Variants in CCT5 observed in about 807,000 individuals in gnomAD.
The protein encoded by CCT5 is chaperonin containing TCP1 subunit 5.
CCT5 carries 6 observed loss-of-function variants against 55.0 expected under a neutral mutation model. That is an observed-to-expected ratio of 0.11 (90% CI 0.06 to 0.22). CCT5 has a LOEUF of 0.22. Among genes scored for constraint, CCT5 ranks in the 10% least tolerant of loss-of-function variants. The pLI, the probability that CCT5 is intolerant of heterozygous loss-of-function variation, is 1.00. For missense variants in CCT5, 560 were observed against 694.6 expected (o/e 0.81, Z 2.18); for synonymous variants, 231 against 243.7 (o/e 0.95, Z 0.49).
chr5:10,260,654 C>G, intron 6 of CCT5, 138 bp from the exon 7 acceptor site: 4 of 864,412 alleles, frequency 4.6e-6, no homozygotes, highest in Non-Finnish European at 5.8e-6. Flanking sequence ...TTGTCTATTT[C>G]CTTCCTTCTC....
chr5:10,250,955 A>G lies in CCT5; in HGVS notation c.105+510A>G, dbSNP rs1745367670. 7.4e-6 allele frequency: 6 copies of G among 812,498 alleles called. No homozygotes were observed. The South Asian group carries it at 2.5e-4, about 34-fold the overall frequency. The allele number at this position is 812,498 out of a possible 1,614,324, so 50.3% of individuals were successfully genotyped here. ...CTTTTTTGCCCACCCTTGAGGAAAA[A>G]TAGCGAAGAGTGAAAAACGGACGCA... On this transcript the variant is annotated intron_variant, in intron 1 of 10. Transcript: ENST00000280326.
upstream of CCT5, chr5:10,250,279 T>G (rs745378487): frequency 1.2e-6 from 2 of 1,611,002 alleles, no homozygotes; most frequent in African/African-American, 1.3e-5. Context: ...GAAAGGGAAG[T>G]GCATTCTCGC....
upstream of CCT5, chr5:10,249,959 T>A: frequency 7.2e-7 from 1 of 1,388,020 alleles, no homozygotes; most frequent in Non-Finnish European, 9.7e-7. Context: ...TACCATCTTC[T>A]CGGAGCCGGA....
At chr5:10,261,148 C>A in intron 7 of CCT5, 1 of 556,472 alleles carries the variant, frequency 1.8e-6, no homozygotes, top group Non-Finnish European at 3.3e-6. Flanking sequence ...CTCACTTGGC[C>A]CTGTCGTTGA....
At chr5:10,261,808 C>T in intron 8 of CCT5, 63 bp downstream of exon 8, 2 of 1,333,258 alleles carry the variant, frequency 1.5e-6, no homozygotes, top group African/African-American at 1.4e-5. Context: ...GGCTTTTTTG[C>T]CTGTGTGTAT....
At chr5:10,254,582 C>A in intron 2 of CCT5, 92 bp from the exon 3 acceptor site, 1 of 1,082,818 alleles carries the variant, frequency 9.2e-7, no homozygotes, top group Non-Finnish European at 1.4e-6. Context: ...ATAAATTGCA[C>A]AGATAAGAGC....
rs755661384 is a variant in CCT5 at position 10,265,203 on chromosome 5, T to C, written c.*420T>C. On this transcript the variant is annotated 3_prime_UTR_variant, in exon 11 of 11. Transcript: ENST00000280326. Reference sequence around the variant, plus strand: ...ATATGGGCTTGATCCTCTTCCTATCTAAATGGGTGGGCCATTTGATTGTAG... The same window carrying C: ...ATATGGGCTTGATCCTCTTCCTATCCAAATGGGTGGGCCATTTGATTGTAG... 1.1e-4 allele frequency: 23 copies of C among 201,220 alleles called. No individual in the cohort carries two copies. Among genetic ancestry groups the C allele is most frequent in the Non-Finnish European group, 3.1e-5 (3 of 98,216 alleles). 12.5% of individuals were successfully genotyped at this position (201,220 alleles called of 1,614,324 possible). A position where few individuals can be genotyped will look rare whatever the true frequency, so the allele number is the denominator to read the frequency against.
At position 10,262,484 on chromosome 5, in the gene CCT5, A is replaced by G. The variant is rs781378409; in HGVS notation, c.1183A>G (p.Ile395Val). The G allele has an allele frequency of 1.9e-6, 3 of 1,614,074 alleles. No individual in the cohort carries two copies. The highest frequency in any genetic ancestry group is 1.1e-5 in the South Asian group (1 of 91,086). Reference sequence around the variant, plus strand: ...CAGGCAAAGCTGTTTTCCTTAGATCATTGAGGAGGCGAAACGATCCCTTCA... The same window carrying G: ...CAGGCAAAGCTGTTTTCCTTAGATCGTTGAGGAGGCGAAACGATCCCTTCA... Reference protein sequence around the residue: ...IFIRGGNKMIIEEAKRSLHDA... With the variant: ...IFIRGGNKMIVEEAKRSLHDA... The change falls in exon 9 of 11, where the codon ATT becomes GTT. Residue 395 changes from isoleucine to valine, a missense_variant. Physicochemically the swap from Ile to Val is conservative, Grantham distance 29. Coordinates refer to ENST00000280326, the MANE Select transcript of CCT5 (RefSeq NM_012073.5).
At chr5:10,257,987 T>C in intron 4 of CCT5, 124 bp from the exon 5 acceptor site, 1 of 1,000,500 alleles carries the variant, frequency 1.0e-6, no homozygotes, top group Non-Finnish European at 1.5e-6. Flanking sequence ...TGAGATGGCA[T>C]TCCCCTCTAG....
intron 10 of CCT5, among the ~76,000 whole-genome samples, chr5:10,263,769 G>A (rs2244968): frequency 0.74 from 112,265 of 151,958 alleles, 43,657 homozygotes; most frequent in East Asian, 0.87. Context: ...AAAAGATATG[G>A]TGGCTGTAGC....
At chr5:10,262,664 T>C (rs1309846858) in intron 9 of CCT5, 46 bp downstream of exon 9, 9 of 1,604,556 alleles carry the variant, frequency 5.6e-6, no homozygotes, top group African/African-American at 1.3e-5. Context: ...GCCTCGCTGA[T>C]GGTGGAGACT....
chr5:10,257,689 C>T (rs1186387980), intron 4 of CCT5, among the ~76,000 whole-genome samples: 1 of 152,224 alleles, frequency 6.6e-6, no homozygotes, highest in Non-Finnish European at 1.5e-5. Context: ...TAGTGCTACA[C>T]TTCATTGAGA....
At chr5:10,256,197 C>T (rs369594695) in intron 4 of CCT5, 44 bp downstream of exon 4, 11 of 1,536,652 alleles carry the variant, frequency 7.2e-6, no homozygotes, top group African/African-American at 1.4e-5. Flanking sequence ...GTAGAGGAGG[C>T]AGTTTGTTTG....
chr5:10,260,472 A>G (rs554429691), intron 6 of CCT5, among the ~76,000 whole-genome samples: 9 of 152,284 alleles, frequency 5.9e-5, no homozygotes, highest in Middle Eastern at 3.4e-3. Context: ...CCATTTCCCC[A>G]TGGTTGGGGA....
intron 6 of CCT5, among the ~76,000 whole-genome samples, chr5:10,259,652 T>G (rs898208378): frequency 1.3e-5 from 2 of 152,232 alleles, no homozygotes; most frequent in Admixed American, 6.5e-5. Flanking sequence ...GGGATGCTCC[T>G]GAGCCAGGAA....
intron 6 of CCT5, 80 bp from the exon 7 acceptor site, chr5:10,260,712 G>A (rs1477639706): frequency 1.3e-6 from 2 of 1,504,220 alleles, no homozygotes; most frequent in African/African-American, 2.8e-5. Context: ...ACCCAACTGT[G>A]CCTCTCCTTT....
At chr5:10,252,418 C>T (rs1745468478) in intron 1 of CCT5, among the ~76,000 whole-genome samples, 1 of 152,190 alleles carries the variant, frequency 6.6e-6, no homozygotes, top group Non-Finnish European at 1.5e-5. Context: ...AGATTCTTCA[C>T]TTGTTTAACA....
rs1283201435 is a variant in CCT5, at chr5:10,254,269, C to T, written c.166+64C>T. 2.6e-6 allele frequency: 3 copies of T among 1,157,012 alleles called. No individual in the cohort carries two copies. In the African/African-American group the frequency reaches 4.6e-5, roughly 18 times the overall value. The allele number at this position is 1,157,012 out of a possible 1,614,324, so 71.7% of individuals were successfully genotyped here. ...TAAATTATAAAACTGTCAATATAAA[C>T]CTCTCTACAGAAAGGTGGAGTATTG... is the stretch of plus-strand genomic sequence containing the variant. On this transcript the variant is annotated intron_variant, in intron 2 of 10. Coordinates refer to ENST00000280326, the MANE Select transcript of CCT5 (RefSeq NM_012073.5).
At chr5:10,255,803 T>G in intron 3 of CCT5, 152 bp from the exon 4 acceptor site, 1 of 708,648 alleles carries the variant, frequency 1.4e-6, no homozygotes, top group Non-Finnish European at 2.4e-6. Context: ...CGAGGCTTTC[T>G]TTTAAAAATA....
Sources: gnomAD v4.1 joint callset for allele counts (sites outside exome capture counted in the v4.1 genomes callset) on GRCh38, gnomAD v4.1.1 for gene constraint, MANE v1.5 for transcripts, NCBI Gene and HGNC (gene_info 2026-07-23, HGNC 2026-07-21) for gene names.